THAP4: variants seen among roughly 807,000 people sequenced by gnomAD.
THAP4 encodes the protein peroxynitrite isomerase THAP4.
Under a neutral mutation model 48.1 loss-of-function variants are expected in THAP4, and 18 were observed. The ratio of observed to expected loss-of-function variants is 0.37; its 90% CI spans 0.26 to 0.56. THAP4 has a LOEUF of 0.56. THAP4 is among the 20% of genes least tolerant of loss of function. The pLI, the probability that THAP4 is intolerant of heterozygous loss-of-function variation, is 0.78. For missense variants in THAP4, 656 were observed against 774.9 expected, an observed-to-expected ratio of 0.85 and a Z score of 1.82; for synonymous variants, 345 against 324.9, an observed-to-expected ratio of 1.06 and a Z score of -0.66.
At position 241,610,656 on chromosome 2, in the gene THAP4, G is replaced by A. The variant is rs1450103810; in HGVS notation, c.1241-4183C>T. ...TCTACTTGGCAGACGCCTCTCACCG[G>A]CAGCCTCTGCCTCCCCCTGGTCTTT... On this transcript the variant is annotated intron_variant, in intron 2 of 5. Transcript: ENST00000407315. The surrounding 1 kb of genome is among the most constrained non-coding windows in gnomAD (Gnocchi z 4.2). Among the ~76,000 whole-genome samples the A allele has an allele frequency of 6.6e-6, 1 of 152,072 alleles. No individual in the cohort carries two copies. The highest frequency in any genetic ancestry group is 1.5e-5 in the Non-Finnish European group (1 of 68,008).
At chr2:241,596,761 G>A (rs1023818562) in intron 5 of THAP4, among the ~76,000 whole-genome samples, 46 of 151,722 alleles carry the variant, frequency 3.0e-4, no homozygotes, top group African/African-American at 1.0e-3. Context: ...AGCCGAGACT[G>A]CACCACTGCA....
rs754577740 is a variant in THAP4, at chr2:241,601,880, G to T, written c.1614+16C>A. 16 of 1,613,642 alleles carry T rather than the reference G, an allele frequency of 9.9e-6. No homozygotes were observed. In the South Asian group the frequency reaches 1.8e-4, roughly 18 times the overall value. Reference sequence around the variant, plus strand: ...AACAGAAGACAGGAGCGTGCTGGGAGCAGGGCTGGGCTCACCTGCTCTACG... The same window carrying T: ...AACAGAAGACAGGAGCGTGCTGGGATCAGGGCTGGGCTCACCTGCTCTACG... On this transcript the variant is annotated intron_variant, in intron 5 of 5. Coordinates refer to ENST00000407315, the MANE Select transcript of THAP4 (RefSeq NM_015963.6). This position sits in a 1 kb window ranked among gnomAD's most constrained non-coding sequence, Gnocchi z 4.0.
chr2:241,595,909 C>T (rs769136690), intron 5 of THAP4, among the ~76,000 whole-genome samples: 3 of 152,180 alleles, frequency 2.0e-5, no homozygotes, highest in Non-Finnish European at 2.9e-5. Flanking sequence ...GAAGGGCTTC[C>T]CTAGTTGGGA....
At chr2:241,595,115 C>T (rs959872110) in intron 5 of THAP4, among the ~76,000 whole-genome samples, 2 of 151,992 alleles carry the variant, frequency 1.3e-5, no homozygotes, top group Admixed American at 6.6e-5. Context: ...CAGGTTCAAG[C>T]GATTCTCCTG....
At position 241,584,573 on chromosome 2, in the gene THAP4, C is replaced by T. The variant is rs1314679320; in HGVS notation, c.*33G>A. On this transcript the variant is annotated 3_prime_UTR_variant, in exon 6 of 6. Transcript: ENST00000407315. ...AGCCGAACCGTTGAGGCACAGTAGC[C>T]AGGCCCTCCCGAGGGCTCCAGAAGC... 1.2e-6 allele frequency: 2 copies of T among 1,613,638 alleles called. No individual in the cohort carries two copies. The highest frequency in any genetic ancestry group is 2.2e-5 in the East Asian group (1 of 44,864).
chr2:241,623,410 T>C (rs2067459030), intron 2 of THAP4, among the ~76,000 whole-genome samples: 1 of 151,816 alleles, frequency 6.6e-6, no homozygotes, highest in African/African-American at 2.4e-5. Flanking sequence ...CAAAACCCTG[T>C]CTCTACAAAA....
At chr2:241,631,717 G>A (rs1224286904) in intron 2 of THAP4, among the ~76,000 whole-genome samples, 5 of 152,040 alleles carry the variant, frequency 3.3e-5, no homozygotes, top group Non-Finnish European at 4.4e-5. Flanking sequence ...TTCCCTCTTC[G>A]GCCTCCCGAA....
chr2:241,590,166 A>G (rs1475846233), intron 5 of THAP4, among the ~76,000 whole-genome samples: 1 of 138,950 alleles, frequency 7.2e-6, no homozygotes, highest in Admixed American at 7.5e-5. Context: ...GCACTAGGAC[A>G]CTCAGCTGCC....
At chr2:241,589,010 G>A (rs921485541) in intron 5 of THAP4, among the ~76,000 whole-genome samples, 1 of 152,110 alleles carries the variant, frequency 6.6e-6, no homozygotes, top group African/African-American at 2.4e-5. Context: ...ACGTCAGGTC[G>A]AGACCGGCCT....
In THAP4 at chr2:241,612,203, A is replaced by G. The variant is rs1409987266; in HGVS notation, c.1241-5730T>C. Among the ~76,000 whole-genome samples the G allele has an allele frequency of 2.0e-5, 3 of 152,228 alleles. No individual in the cohort carries two copies. Among genetic ancestry groups the G allele is most frequent in the East Asian group, 1.9e-4 (1 of 5,200 alleles). ...ATGAAGTGGAGATTGGAAGCAGCAC[A>G]GGGAGAAACAAACACCGGGAAACAC... On this transcript the variant is annotated intron_variant, in intron 2 of 5. Transcript: ENST00000407315. The surrounding 1 kb of genome is among the most constrained non-coding windows in gnomAD (Gnocchi z 4.1).
At chr2:241,634,819 C>T (rs371927946) in intron 1 of THAP4, among the ~76,000 whole-genome samples, 14 of 152,306 alleles carry the variant, frequency 9.2e-5, no homozygotes, top group African/African-American at 3.1e-4. Context: ...GAAACCCGGT[C>T]TTCTCCCCTC....
In THAP4 at chr2:241,610,799, A is replaced by G. The variant is rs984973465; in HGVS notation, c.1241-4326T>C. ...ATGGGGAAGAAAGACGGACAGAGCC[A>G]GGGACAGCGAGAGACGGGACGGGGA... On this transcript the variant is annotated intron_variant, in intron 2 of 5. Coordinates refer to ENST00000407315, the MANE Select transcript of THAP4 (RefSeq NM_015963.6). This position sits in a 1 kb window ranked among gnomAD's most constrained non-coding sequence, Gnocchi z 4.2. Among the ~76,000 whole-genome samples the G allele has an allele frequency of 6.6e-6, 1 of 152,064 alleles. No homozygotes were observed. Among genetic ancestry groups the G allele is most frequent in the Non-Finnish European group, 1.5e-5 (1 of 68,012 alleles).
chr2:241,630,394 A>C (rs1033071083), intron 2 of THAP4, among the ~76,000 whole-genome samples: 13 of 152,162 alleles, frequency 8.5e-5, no homozygotes, highest in Non-Finnish European at 1.3e-4. Context: ...ACAACAACTC[A>C]GAGACACGAA....
In THAP4 at chr2:241,603,055, C is replaced by T. The variant is rs561858400; in HGVS notation, c.1425G>A (p.Thr475=). ...CACACTCTCTGTGCATCGGCTTGCG[C>T]GTGTCCGGGTGGAAGGAGTTGAACC... ...NFSFNSFHPD[T]RKPMHRECGF... is the part of the protein sequence containing the mutation. Residue 475 remains threonine (T), a synonymous_variant, in exon 4 of 6, where the codon ACG becomes ACA. Transcript: ENST00000407315. 5.4e-4 allele frequency: 867 copies of T among 1,613,974 alleles called. 14 individuals are homozygous for T. The South Asian group carries it at 8.5e-3, about 16-fold the overall frequency.
intron 5 of THAP4, chr2:241,592,215 T>C (rs375005447): frequency 6.6e-6 from 1 of 152,394 alleles, no homozygotes; most frequent in Non-Finnish European, 1.5e-5. Context: ...AGCCTCACTG[T>C]AAAATGGGGC....
At chr2:241,602,247 C>G in intron 4 of THAP4, 1 of 544,372 alleles carries the variant, frequency 1.8e-6, no homozygotes, top group Non-Finnish European at 3.3e-6. Flanking sequence ...GCCCTCCCAC[C>G]TCCACCCACC....
At chr2:241,627,262 T>C (rs1241143820) in intron 2 of THAP4, among the ~76,000 whole-genome samples, 1 of 152,226 alleles carries the variant, frequency 6.6e-6, no homozygotes, top group Non-Finnish European at 1.5e-5. Context: ...TTTCAAGAAT[T>C]ATATGTAGAT....
At chr2:241,588,162 C>G (rs144939312) in intron 5 of THAP4, among the ~76,000 whole-genome samples, 2 of 151,720 alleles carry the variant, frequency 1.3e-5, no homozygotes, top group Non-Finnish European at 2.9e-5. Context: ...TATATACTTG[C>G]AACAAATAAG....
intron 2 of THAP4, among the ~76,000 whole-genome samples, chr2:241,625,797 CAAAAAAAAAAAAAAAAAAA>C (rs147602587): frequency 4.0e-5 from 2 of 50,164 alleles, no homozygotes; most frequent in South Asian, 1.1e-3. Context: ...GACTCCGTCT[CAAAAAAAAAAAAAAAAAAA>C]AAAAAAAAGA....
Sources: allele counts gnomAD v4.1 joint callset (sites outside exome capture counted in the v4.1 genomes callset), GRCh38; gene constraint gnomAD v4.1.1; non-coding constraint Gnocchi (gnomAD v3.1); transcripts MANE v1.5; gene names NCBI Gene and HGNC (gene_info 2026-07-23, HGNC 2026-07-21).